FAM153A: variants seen among roughly 807,000 people sequenced by gnomAD.
FAM153A encodes the protein family with sequence similarity 153 member A.
A neutral mutation model predicts 48.1 loss-of-function variants in FAM153A; 12 were observed. The ratio of observed to expected loss-of-function variants is 0.25; its 90% CI spans 0.16 to 0.40. FAM153A has a LOEUF of 0.40. Among genes scored for constraint, FAM153A ranks in the 10% least tolerant of loss-of-function variants. The pLI, the probability that FAM153A is intolerant of heterozygous loss-of-function variation, is 1.00. For synonymous variants in FAM153A, 36 were observed against 118.2 expected, an observed-to-expected ratio of 0.30 and a Z score of 4.51; for missense variants, 111 against 345.8, an observed-to-expected ratio of 0.32 and a Z score of 5.38.
At chr5:177,726,077 T>TA (rs1238419811) in intron 18 of FAM153A, among the ~76,000 whole-genome samples, 1 of 142,162 alleles carries the variant, frequency 7.0e-6, no homozygotes, top group Non-Finnish European at 1.5e-5. Flanking sequence ...GGAGCACCCT[T>TA]AGAGCAGGAG....
chr5:177,759,827 T>G (rs1195938634), intron 1 of FAM153A, among the ~76,000 whole-genome samples: 2 of 151,370 alleles, frequency 1.3e-5, no homozygotes, highest in Non-Finnish European at 2.9e-5. Flanking sequence ...GGGGGAGGGA[T>G]AGCATTAGGA....
At chr5:177,716,109 G>A (rs758185563) in intron 25 of FAM153A, among the ~76,000 whole-genome samples, 4 of 150,608 alleles carry the variant, frequency 2.7e-5, no homozygotes, top group Admixed American at 1.3e-4. Flanking sequence ...TCAGCCTCCC[G>A]AGTAGCTGGG....
At chr5:177,747,937 TTC>T (rs1766280564) in intron 3 of FAM153A, 144 bp from the exon 6 acceptor site, 1 of 283,742 alleles carries the variant, frequency 3.5e-6, no homozygotes, top group Non-Finnish European at 6.0e-6. Context: ...CTTTCTCTTT[TTC>T]TCTTTCCTTC....
chr5:177,700,615 A>G, the FAM153A span, among the ~76,000 whole-genome samples: 1 of 151,850 alleles, frequency 6.6e-6, no homozygotes, highest in Non-Finnish European at 1.5e-5. Flanking sequence ...CAGCCTGGCC[A>G]ACATGGTGAA....
At chr5:177,759,815 G>C (rs77842467) in intron 1 of FAM153A, among the ~76,000 whole-genome samples, 1,991 of 150,102 alleles carry the variant, frequency 0.013, 60 homozygotes, top group African/African-American at 0.046. Context: ...GGCCTGTTGT[G>C]GGGGGGAGGG....
At chr5:177,755,981 A>T (rs1161728527), upstream of FAM153A, among the ~76,000 whole-genome samples, 4 of 150,766 alleles carry the variant, frequency 2.7e-5, no homozygotes, top group Non-Finnish European at 5.9e-5. Flanking sequence ...ATTCACACAT[A>T]ACAATATTAA....
chr5:177,781,856 C>G (rs1275304416), upstream of FAM153A, among the ~76,000 whole-genome samples: 2 of 92,886 alleles, frequency 2.2e-5, no homozygotes, highest in South Asian at 4.2e-4. Context: ...GTAGCTGGGA[C>G]TACAGGCGCC....
At chr5:177,750,260 G>A (rs1401373145) in intron 2 of FAM153A, 1 of 154,278 alleles carries the variant, frequency 6.5e-6, no homozygotes. Flanking sequence ...ATTAGTAGAT[G>A]CAGCTCAGGT....
At chr5:177,710,114 C>CTT (rs544809781), downstream of FAM153A, among the ~76,000 whole-genome samples, 46 of 141,344 alleles carry the variant, frequency 3.3e-4, 1 homozygote, top group South Asian at 8.8e-4. Flanking sequence ...TGTTTAATAC[C>CTT]TTTTTTTTTT....
At chr5:177,734,664 A>G (rs1412263875) in intron 13 of FAM153A, among the ~76,000 whole-genome samples, 199 bp downstream of exon 15, 4 of 146,212 alleles carry the variant, frequency 2.7e-5, no homozygotes, top group Non-Finnish European at 5.9e-5. Context: ...ACTGTTACAC[A>G]ACAGGTGACT....
chr5:177,703,468 TGA>T (rs1490227582), downstream of FAM153A, among the ~76,000 whole-genome samples: 2 of 150,678 alleles, frequency 1.3e-5, no homozygotes, highest in African/African-American at 2.5e-5. Flanking sequence ...TTGTCTCAGA[TGA>T]GACTTTGGAC....
chr5:177,698,034 A>G, the FAM153A span, among the ~76,000 whole-genome samples: 8 of 151,068 alleles, frequency 5.3e-5, no homozygotes, highest in African/African-American at 1.5e-4. Context: ...GAAGTTAGCA[A>G]TTGTGTTCCT....
At chr5:177,710,548 A>G (rs1378973794), downstream of FAM153A, among the ~76,000 whole-genome samples, 1 of 151,164 alleles carries the variant, frequency 6.6e-6, no homozygotes, top group Non-Finnish European at 1.5e-5. Flanking sequence ...ATCCGTGTTC[A>G]AAATCTGGAT....
chr5:177,730,257 C>T (rs1763562800), intron 16 of FAM153A, among the ~76,000 whole-genome samples: 2 of 119,274 alleles, frequency 1.7e-5, no homozygotes, highest in Non-Finnish European at 1.9e-5. Context: ...GGGCACTGAC[C>T]CTCTCCAACC....
intron 6 of FAM153A, among the ~76,000 whole-genome samples, chr5:177,743,479 T>C (rs1315853457): frequency 3.2e-4 from 36 of 114,154 alleles, no homozygotes; most frequent in South Asian, 1.0e-3. Flanking sequence ...TGAAACTCTA[T>C]ATGACCCTGG....
upstream of FAM153A, among the ~76,000 whole-genome samples, chr5:177,781,922 G>A (rs1477020781): frequency 1.1e-5 from 1 of 89,476 alleles, no homozygotes; most frequent in Non-Finnish European, 2.3e-5. Context: ...GTAGAGACGG[G>A]GTTTCACCGT....
chr5:177,730,333 AT>A lies in FAM153A; in HGVS notation c.863-779del, dbSNP rs554313905. On this transcript the variant is annotated intron_variant, in intron 16 of 20. Coordinates refer to ENST00000614127, the Ensembl canonical transcript of FAM153A. ...GCTAATTCCCAAGTTGAGCCTTGAGATTTTTTTATTGGATGCTATGTCTTGG... is the reference window on the plus strand; with the variant it reads ...GCTAATTCCCAAGTTGAGCCTTGAGATTTTTTATTGGATGCTATGTCTTGG... Among the ~76,000 whole-genome samples, 358 of 121,802 alleles carry A rather than the reference AT, an allele frequency of 2.9e-3. 66 individuals carry two copies. Among genetic ancestry groups the A allele is most frequent in the African/African-American group, 8.9e-3 (333 of 37,544 alleles). The allele number at this position is 121,802 out of a possible 152,430, so 79.9% of individuals were successfully genotyped here.
chr5:177,713,543 A>C (rs1758926273), intron 26 of FAM153A, among the ~76,000 whole-genome samples: 1 of 151,054 alleles, frequency 6.6e-6, no homozygotes, highest in South Asian at 2.1e-4. Flanking sequence ...AGGCGTGAGC[A>C]ACCGTGCTCG....
At chr5:177,713,013 A>G (rs1033648820) in exon 27 of FAM153A, 6 of 151,956 alleles carry the variant, frequency 3.9e-5, no homozygotes, top group Non-Finnish European at 8.8e-5. Context: ...CTACCAAGAG[A>G]GACACCTCCC....
Sources: allele counts gnomAD v4.1 joint callset (sites outside exome capture counted in the v4.1 genomes callset), GRCh38; gene constraint gnomAD v4.1.1; transcripts MANE v1.5; gene names NCBI Gene and HGNC (gene_info 2026-07-23, HGNC 2026-07-21).